Variants in SNTB1 observed in about 807,000 individuals in gnomAD.
The protein encoded by SNTB1 is beta-1-syntrophin.
SNTB1 carries 36 observed loss-of-function variants against 48.9 expected under a neutral mutation model. The ratio of observed to expected loss-of-function variants is 0.74; its 90% CI spans 0.56 to 0.97. SNTB1 has a LOEUF of 0.97. Among genes scored for constraint, SNTB1 ranks in the 50% least tolerant of loss-of-function variants. The probability of loss-of-function intolerance (pLI) is 0.00; values close to 1 mark genes in which losing one functional copy is unlikely to be tolerated. For missense variants in SNTB1, 786 were observed against 703.4 expected (o/e 1.12, Z -1.33); for synonymous variants, 299 against 294.6 (o/e 1.01, Z -0.15).
At chr8:120,737,638 T>C (rs1382159366) in intron 1 of SNTB1, among the ~76,000 whole-genome samples, 1 of 152,186 alleles carries the variant, frequency 6.6e-6, no homozygotes, top group Non-Finnish European at 1.5e-5. Context: ...TGTTGATTTG[T>C]ATGGCTGAGG....
At chr8:120,572,281 C>G (rs557964405) in intron 4 of SNTB1, among the ~76,000 whole-genome samples, 1 of 152,176 alleles carries the variant, frequency 6.6e-6, no homozygotes, top group African/African-American at 2.4e-5. Context: ...GTCTCTTGGA[C>G]CAAACTTCTT....
At chr8:120,741,302 T>C (rs748659114) in intron 1 of SNTB1, among the ~76,000 whole-genome samples, 2 of 152,220 alleles carry the variant, frequency 1.3e-5, no homozygotes, top group Non-Finnish European at 2.9e-5. Flanking sequence ...CTCAGATACA[T>C]GTGGTTAGAA....
At chr8:120,751,638 C>T (rs981913626) in intron 1 of SNTB1, among the ~76,000 whole-genome samples, 4 of 152,096 alleles carry the variant, frequency 2.6e-5, no homozygotes, top group African/African-American at 9.7e-5. Context: ...TTCTAATGAA[C>T]TATTATATAT....
At chr8:120,752,420 A>G (rs180816171) in intron 1 of SNTB1, among the ~76,000 whole-genome samples, 321 of 152,238 alleles carry the variant, frequency 2.1e-3, no homozygotes, top group Non-Finnish European at 3.7e-3. Context: ...TAAGAATTTG[A>G]TCCATCAATC....
intron 2 of SNTB1, among the ~76,000 whole-genome samples, chr8:120,644,922 A>G (rs533580710): frequency 5.9e-5 from 9 of 152,240 alleles, no homozygotes; most frequent in Non-Finnish European, 1.3e-4. Flanking sequence ...AGTGATGATG[A>G]GCATTTTTTC....
intron 4 of SNTB1, among the ~76,000 whole-genome samples, chr8:120,569,050 C>T (rs1022662754): frequency 1.3e-5 from 2 of 152,190 alleles, no homozygotes; most frequent in Admixed American, 6.5e-5. Context: ...GGCGCGATCT[C>T]GGCTCACTGC....
At chr8:120,629,639 G>T (rs918946830) in intron 3 of SNTB1, among the ~76,000 whole-genome samples, 1 of 152,134 alleles carries the variant, frequency 6.6e-6, no homozygotes, top group Non-Finnish European at 1.5e-5. Context: ...TGCACACCAG[G>T]ATTCAGTATT....
Position 120,555,101 on chromosome 8 carries a change from T to C in SNTB1, c.1137-6143A>G, listed in dbSNP as rs117340650. Among the ~76,000 whole-genome samples the C allele has an allele frequency of 1.4e-3, 211 of 152,284 alleles. 7 individuals carry two copies. The East Asian group carries it at 0.038, about 27-fold the overall frequency. On this transcript the variant is annotated intron_variant, in intron 4 of 6. Transcript: ENST00000517992. ...AAGATGCATATGTCAAAGCCCAATA[T>C]GACAGTATTTGGAAATGGTGAAGTG...
rs117436347 is a variant in SNTB1 at position 120,760,396 on chromosome 8, A to G, written c.571+50877T>C. Among the ~76,000 whole-genome samples, 866 of 152,124 alleles carry G rather than the reference A, an allele frequency of 5.7e-3. 5 individuals carry two copies. The highest frequency in any genetic ancestry group is 9.2e-3 in the Non-Finnish European group (626 of 68,022). ...CCACTGCTAAAACCGAAGAGGGGGT[A>G]GATACAAAGAATTATATCTTACTTG... On this transcript the variant is annotated intron_variant, in intron 1 of 6. Coordinates refer to ENST00000517992, the MANE Select transcript of SNTB1 (RefSeq NM_021021.4).
chr8:120,707,581 T>C (rs1028098563), intron 1 of SNTB1, among the ~76,000 whole-genome samples: 1 of 152,054 alleles, frequency 6.6e-6, no homozygotes, highest in Non-Finnish European at 1.5e-5. Context: ...TTTAAAAAGG[T>C]AGGAAAGGAA....
intron 3 of SNTB1, among the ~76,000 whole-genome samples, chr8:120,616,414 C>G (rs1161193822): frequency 6.6e-6 from 1 of 151,308 alleles, no homozygotes; most frequent in African/African-American, 2.4e-5. Context: ...ATCTTCCTGC[C>G]TCAGCCTTCC....
At chr8:120,799,567 T>C (rs1237238487) in intron 1 of SNTB1, among the ~76,000 whole-genome samples, 2 of 151,712 alleles carry the variant, frequency 1.3e-5, no homozygotes, top group Non-Finnish European at 2.9e-5. Flanking sequence ...CATAAAAATC[T>C]AGTTCTCCAG....
At chr8:120,722,272 T>G (rs1488964991) in intron 1 of SNTB1, among the ~76,000 whole-genome samples, 2 of 152,330 alleles carry the variant, frequency 1.3e-5, no homozygotes, top group East Asian at 3.9e-4. Flanking sequence ...GTAATGGGAT[T>G]GCTGGGTCAA....
At chr8:120,715,536 T>C (rs550452748) in intron 1 of SNTB1, among the ~76,000 whole-genome samples, 2 of 152,166 alleles carry the variant, frequency 1.3e-5, no homozygotes, top group Admixed American at 1.3e-4. Flanking sequence ...AATTTAAAGG[T>C]CTCTTTGAAA....
chr8:120,631,060 C>T (rs1227069835), intron 3 of SNTB1, among the ~76,000 whole-genome samples: 1 of 152,176 alleles, frequency 6.6e-6, no homozygotes, highest in Admixed American at 6.5e-5. Flanking sequence ...CCCGGGCATG[C>T]TCATTTTGCT....
intron 2 of SNTB1, among the ~76,000 whole-genome samples, chr8:120,654,386 T>C (rs1817464643): frequency 6.6e-6 from 1 of 152,208 alleles, no homozygotes; most frequent in East Asian, 1.9e-4. Flanking sequence ...ACTCCTATTT[T>C]GTTCCCCAGT....
chr8:120,569,638 G>A (rs1815810241), intron 4 of SNTB1, among the ~76,000 whole-genome samples: 1 of 152,200 alleles, frequency 6.6e-6, no homozygotes, highest in South Asian at 2.1e-4. Flanking sequence ...CCAGTCACTT[G>A]CCTGAGTCGG....
intron 1 of SNTB1, among the ~76,000 whole-genome samples, chr8:120,698,644 G>A (rs1350611419): frequency 6.6e-6 from 1 of 152,134 alleles, no homozygotes; most frequent in Admixed American, 6.5e-5. Flanking sequence ...GGTCCTTCTT[G>A]CTGGAAGAGA....
intron 2 of SNTB1, among the ~76,000 whole-genome samples, chr8:120,634,281 A>T (rs145973559): frequency 2.0e-5 from 3 of 152,212 alleles, no homozygotes; most frequent in Non-Finnish European, 2.9e-5. Context: ...ACTTCCTTTC[A>T]TCTCTTAATA....
Sources: allele counts gnomAD v4.1 joint callset (sites outside exome capture counted in the v4.1 genomes callset), GRCh38; gene constraint gnomAD v4.1.1; transcripts MANE v1.5; gene names NCBI Gene and HGNC (gene_info 2026-07-23, HGNC 2026-07-21).